Variants in ZNF571 observed in about 807,000 individuals in gnomAD.
ZNF571 encodes zinc finger protein 571.
Under a neutral mutation model 7.7 loss-of-function variants are expected in ZNF571, and 4 were observed. The observed-to-expected ratio is 0.52, with a 90% CI of 0.25 to 1.18. The LOEUF (loss-of-function observed/expected upper bound fraction) is 1.18, where lower values mean the gene tolerates loss of function less well. Among genes scored for constraint, ZNF571 ranks in the 50% most tolerant of loss-of-function variants. The pLI is 0.14. For synonymous variants in ZNF571, 251 were observed against 232.4 expected, an observed-to-expected ratio of 1.08 and a Z score of -0.73; for missense variants, 704 against 726.9, an observed-to-expected ratio of 0.97 and a Z score of 0.36.
At chr19:37,584,298 T>C in intron 2 of ZNF571, 1 of 598,974 alleles carries the variant, frequency 1.7e-6, no homozygotes, top group Admixed American at 3.3e-5. Context: ...AACAATTCCA[T>C]TATCCAGAAA....
At chr19:37,568,766 T>C (rs1047141246) in intron 3 of ZNF571, among the ~76,000 whole-genome samples, 1 of 152,014 alleles carries the variant, frequency 6.6e-6, no homozygotes, top group African/African-American at 2.4e-5. Flanking sequence ...AAAAACTATA[T>C]GGTGAAAAAA....
At chr19:37,587,991 T>C (rs1196272648) in intron 1 of ZNF571, among the ~76,000 whole-genome samples, 9 of 149,938 alleles carry the variant, frequency 6.0e-5, no homozygotes, top group Non-Finnish European at 1.3e-4. Context: ...TCCCAGCTAC[T>C]TGGGAGGCTA....
intron 1 of ZNF571, among the ~76,000 whole-genome samples, chr19:37,592,334 T>G (rs185123236): frequency 6.6e-6 from 1 of 152,286 alleles, no homozygotes; most frequent in East Asian, 1.9e-4. Flanking sequence ...CTTCTAAAAT[T>G]TTTCACGGTC....
chr19:37,568,253 C>CAAATAA (rs2042930676), intron 3 of ZNF571, among the ~76,000 whole-genome samples: 1 of 151,948 alleles, frequency 6.6e-6, no homozygotes, highest in Non-Finnish European at 1.5e-5. Flanking sequence ...AAATAAGCCT[C>CAAATAA]CAAAACTTGA....
intron 2 of ZNF571, among the ~76,000 whole-genome samples, chr19:37,584,644 C>G (rs947651482): frequency 1.3e-5 from 2 of 152,094 alleles, no homozygotes; most frequent in African/African-American, 4.8e-5. Context: ...ACAAAATGAT[C>G]TGCTTATTTG....
chr19:37,588,099 C>CAAAAAAAAAA (rs58516591), intron 1 of ZNF571, among the ~76,000 whole-genome samples: 15 of 45,746 alleles, frequency 3.3e-4, no homozygotes, highest in Admixed American at 7.9e-4. Context: ...GACTCCATCT[C>CAAAAAAAAAA]AAAAAAAAAA....
intron 3 of ZNF571, among the ~76,000 whole-genome samples, chr19:37,575,985 C>A (rs1177383213): frequency 6.6e-6 from 1 of 151,884 alleles, no homozygotes; most frequent in Admixed American, 6.6e-5. Flanking sequence ...TTTATTCTTG[C>A]CAAACTTCAA....
chr19:37,587,538 T>C (rs2043717591), intron 1 of ZNF571, among the ~76,000 whole-genome samples: 1 of 151,736 alleles, frequency 6.6e-6, no homozygotes, highest in Non-Finnish European at 1.5e-5. Context: ...ACTTCAAGAT[T>C]GAGCAAGTTC....
chr19:37,566,486 T>A, intron 3 of ZNF571, 195 bp from the exon 4 acceptor site: 1 of 596,068 alleles, frequency 1.7e-6, no homozygotes, highest in Non-Finnish European at 2.7e-6. Context: ...GGAAAGAAGG[T>A]AATTAGAAAA....
chr19:37,568,082 A>C (rs1426556909), intron 3 of ZNF571, among the ~76,000 whole-genome samples: 2 of 152,208 alleles, frequency 1.3e-5, no homozygotes, highest in Non-Finnish European at 2.9e-5. Context: ...GAAGTTGAGA[A>C]ACAAGTGTAC....
chr19:37,583,076 G>A (rs1223193670), intron 3 of ZNF571, among the ~76,000 whole-genome samples: 1 of 152,138 alleles, frequency 6.6e-6, no homozygotes, highest in Non-Finnish European at 1.5e-5. Context: ...TGGCCTTCTT[G>A]CTGATTCTCA....
intron 3 of ZNF571, among the ~76,000 whole-genome samples, chr19:37,570,446 T>C (rs956958426): frequency 2.0e-5 from 3 of 152,196 alleles, no homozygotes; most frequent in African/African-American, 4.8e-5. Flanking sequence ...GACATAATTA[T>C]AGCAAGTCAA....
At chr19:37,588,099 C>CAAAAAAAAAAAAA (rs58516591) in intron 1 of ZNF571, among the ~76,000 whole-genome samples, 1 of 45,746 alleles carries the variant, frequency 2.2e-5, no homozygotes, top group Non-Finnish European at 3.8e-5. Context: ...GACTCCATCT[C>CAAAAAAAAAAAAA]AAAAAAAAAA....
intron 1 of ZNF571, chr19:37,594,452 C>G (rs1454634706): frequency 6.6e-6 from 1 of 152,294 alleles, no homozygotes; most frequent in Non-Finnish European, 1.5e-5. Context: ...GTTATGGTGC[C>G]GATTTTGTCC....
At chr19:37,567,900 A>G (rs992324509) in intron 3 of ZNF571, 2 of 152,184 alleles carry the variant, frequency 1.3e-5, no homozygotes, top group Non-Finnish European at 2.9e-5. Flanking sequence ...TAGTCCCCAG[A>G]ACACAGTATA....
chr19:37,590,897 TC>T (rs759151857), intron 1 of ZNF571, among the ~76,000 whole-genome samples: 3 of 152,218 alleles, frequency 2.0e-5, no homozygotes, highest in Non-Finnish European at 2.9e-5. Context: ...GCATTCTCTA[TC>T]TTAACAGTAG....
chr19:37,576,186 C>G (rs561092188), intron 3 of ZNF571, among the ~76,000 whole-genome samples: 2 of 152,196 alleles, frequency 1.3e-5, no homozygotes, highest in South Asian at 4.1e-4. Flanking sequence ...ACTAAAAAAT[C>G]CACCAATAAT....
chr19:37,584,215 T>G, intron 2 of ZNF571, 118 bp from the exon 3 acceptor site: 1 of 1,467,162 alleles, frequency 6.8e-7, no homozygotes, highest in Non-Finnish European at 9.3e-7. Flanking sequence ...GGAAATTGGT[T>G]GCCTAAACAG....
At chr19:37,590,248 AAAAT>A (rs1344269209) in intron 1 of ZNF571, among the ~76,000 whole-genome samples, 26 of 151,564 alleles carry the variant, frequency 1.7e-4, no homozygotes, top group Non-Finnish European at 2.9e-4. Flanking sequence ...CTAGTAAAAA[AAAAT>A]AAAAATAAAA....
Sources: allele counts gnomAD v4.1 joint callset (sites outside exome capture counted in the v4.1 genomes callset), GRCh38; gene constraint gnomAD v4.1.1; transcripts MANE v1.5; gene names NCBI Gene and HGNC (gene_info 2026-07-23, HGNC 2026-07-21).